The following CDH13 variants were observed in gnomAD, a reference collection of about 807,000 sequenced individuals.
The protein encoded by CDH13 is cadherin-13.
Under a neutral mutation model 63.8 loss-of-function variants are expected in CDH13, and 24 were observed. That is an observed-to-expected ratio of 0.38 (90% CI 0.27 to 0.53). The LOEUF is 0.53. CDH13 is among the 20% of genes least tolerant of loss of function. CDH13 has a pLI of 0.85. For missense variants in CDH13, 1,049 were observed against 903.1 expected, an observed-to-expected ratio of 1.16 and a Z score of -2.07; for synonymous variants, 503 against 355.3, an observed-to-expected ratio of 1.42 and a Z score of -4.67.
intron 8 of CDH13, among the ~76,000 whole-genome samples, chr16:83,666,673 C>T (rs1457897289): frequency 2.0e-5 from 3 of 152,210 alleles, no homozygotes; most frequent in African/African-American, 7.2e-5. Context: ...TTTGGCTCTT[C>T]CCGCCACCTG....
chr16:83,358,343 C>A (rs191489882), intron 6 of CDH13, among the ~76,000 whole-genome samples: 1 of 152,214 alleles, frequency 6.6e-6, no homozygotes, highest in Admixed American at 6.5e-5. Flanking sequence ...GATATGATGG[C>A]TAGAACTCAA....
chr16:83,130,766 A>G (rs1597387662), intron 4 of CDH13, among the ~76,000 whole-genome samples: 1 of 152,224 alleles, frequency 6.6e-6, no homozygotes, highest in African/African-American at 2.4e-5. Flanking sequence ...TTGCATTTCA[A>G]GAGGGTGAAT....
At chr16:83,406,817 C>T (rs2092055323) in intron 6 of CDH13, among the ~76,000 whole-genome samples, 1 of 152,168 alleles carries the variant, frequency 6.6e-6, no homozygotes. Flanking sequence ...TCTTCTAAAA[C>T]TGAATTTTTT....
At chr16:82,784,686 G>T (rs2151121784) in intron 1 of CDH13, among the ~76,000 whole-genome samples, 1 of 152,248 alleles carries the variant, frequency 6.6e-6, no homozygotes, top group African/African-American at 2.4e-5. Context: ...CACCATGAGA[G>T]CTGGTAACTC....
At chr16:83,219,389 C>G (rs759602085) in intron 5 of CDH13, among the ~76,000 whole-genome samples, 2 of 152,312 alleles carry the variant, frequency 1.3e-5, no homozygotes, top group Middle Eastern at 3.4e-3. Context: ...TGGCTGCATT[C>G]AAATCATGGC....
intron 6 of CDH13, among the ~76,000 whole-genome samples, chr16:83,432,572 A>G (rs76249144): frequency 0.017 from 2,638 of 152,256 alleles, 85 homozygotes; most frequent in African/African-American, 0.06. Context: ...GAGCTTCAAG[A>G]AAAGCTTTTA....
chr16:82,987,623 C>A (rs72792119), intron 2 of CDH13, among the ~76,000 whole-genome samples: 1 of 152,096 alleles, frequency 6.6e-6, no homozygotes, highest in South Asian at 2.1e-4. Flanking sequence ...GTGATCTGCC[C>A]GCTTTGGCCT....
intron 1 of CDH13, among the ~76,000 whole-genome samples, chr16:82,842,467 G>A (rs1318383370): frequency 6.6e-6 from 1 of 151,818 alleles, no homozygotes; most frequent in African/African-American, 2.4e-5. Context: ...GAGTGCACAG[G>A]CAAAAATCAG....
chr16:82,639,274 G>C, intron 1 of CDH13: 1 of 865,788 alleles, frequency 1.2e-6, no homozygotes, highest in Non-Finnish European at 1.7e-6. Context: ...TGGACTTCCT[G>C]TCTGGGCTAC....
intron 10 of CDH13, among the ~76,000 whole-genome samples, chr16:83,719,199 C>T (rs1909349639): frequency 6.6e-6 from 1 of 152,180 alleles, no homozygotes; most frequent in African/African-American, 2.4e-5. Context: ...GCACATTTGA[C>T]AATGACATTT....
chr16:83,647,243 G>C (rs1911914236), intron 8 of CDH13, among the ~76,000 whole-genome samples: 1 of 151,110 alleles, frequency 6.6e-6, no homozygotes, highest in Admixed American at 6.6e-5. Flanking sequence ...CCGGGAGGCG[G>C]AGCTTGCAGT....
chr16:83,450,184 T>C (rs2072846015), intron 6 of CDH13, among the ~76,000 whole-genome samples: 2 of 152,176 alleles, frequency 1.3e-5, no homozygotes, highest in African/African-American at 4.8e-5. Context: ...CCCAGATAGC[T>C]CCTGCAGGGA....
chr16:82,693,076 C>T (rs916338642), intron 1 of CDH13, among the ~76,000 whole-genome samples: 1 of 152,154 alleles, frequency 6.6e-6, no homozygotes, highest in African/African-American at 2.4e-5. Context: ...GGGGTGGCCT[C>T]CTACCAAGAC....
Position 82,962,454 on chromosome 16 carries a change from G to T in CDH13, c.158-69556G>T, listed in dbSNP as rs189151047. On this transcript the variant is annotated intron_variant, in intron 2 of 13. Coordinates refer to ENST00000567109, the MANE Select transcript of CDH13 (RefSeq NM_001257.5). Reference sequence around the variant, plus strand: ...TTGCCACAAGGTTTGTAGTAATTTGGTATGGCAGCAATAGGAAACCGATCA... The same window carrying T: ...TTGCCACAAGGTTTGTAGTAATTTGTTATGGCAGCAATAGGAAACCGATCA... Among the ~76,000 whole-genome samples the T allele has an allele frequency of 2.0e-4, 30 of 152,286 alleles. No individual in the cohort carries two copies. In the East Asian group the frequency reaches 5.4e-3, roughly 27 times the overall value.
intron 10 of CDH13, among the ~76,000 whole-genome samples, chr16:83,724,242 G>C (rs553907472): frequency 8.4e-6 from 1 of 119,652 alleles, no homozygotes; most frequent in African/African-American, 2.7e-5. Flanking sequence ...AATGTGGAAT[G>C]CATGGGTGGA....
chr16:83,762,339 A>G (rs1287744039), intron 11 of CDH13, among the ~76,000 whole-genome samples: 1 of 152,158 alleles, frequency 6.6e-6, no homozygotes, highest in Admixed American at 6.5e-5. Flanking sequence ...TCTTTTATGG[A>G]AGACTTCAAT....
chr16:83,531,570 C>G (rs2075084635), intron 7 of CDH13, among the ~76,000 whole-genome samples: 2 of 152,168 alleles, frequency 1.3e-5, no homozygotes, highest in Non-Finnish European at 2.9e-5. Context: ...ATTGTGAGGC[C>G]TCTCAGCCAG....
chr16:83,411,962 GT>G (rs2092133769), intron 6 of CDH13, among the ~76,000 whole-genome samples: 1 of 152,210 alleles, frequency 6.6e-6, no homozygotes, highest in Non-Finnish European at 1.5e-5. Flanking sequence ...ATCCAAGCCT[GT>G]GTTCTCTGCA....
intron 1 of CDH13, among the ~76,000 whole-genome samples, chr16:82,834,403 C>T (rs1465018474): frequency 2.0e-5 from 3 of 152,116 alleles, no homozygotes; most frequent in African/African-American, 7.2e-5. Flanking sequence ...AGCATCTATT[C>T]AGGGCCAAGA....
Sources: allele counts gnomAD v4.1 joint callset (sites outside exome capture counted in the v4.1 genomes callset), GRCh38; gene constraint gnomAD v4.1.1; transcripts MANE v1.5; gene names NCBI Gene and HGNC (gene_info 2026-07-23, HGNC 2026-07-21).